Variants in ZNF525 observed in about 807,000 individuals in gnomAD.
The protein encoded by ZNF525 is zinc finger protein 525.
A neutral mutation model predicts 37.6 loss-of-function variants in ZNF525; 33 were observed. The ratio of observed to expected loss-of-function variants is 0.88; its 90% CI spans 0.67 to 1.17. ZNF525 has a LOEUF of 1.17. Among genes scored for constraint, ZNF525 ranks in the 50% most tolerant of loss-of-function variants. ZNF525 has a pLI of 0.00. For synonymous variants in ZNF525, 170 were observed against 182.3 expected (o/e 0.93, Z 0.54); for missense variants, 449 against 543.1 (o/e 0.83, Z 1.72).
At chr19:53,370,493 T>A (rs117969384) in intron 1 of ZNF525, among the ~76,000 whole-genome samples, 5 of 151,126 alleles carry the variant, frequency 3.3e-5, no homozygotes, top group African/African-American at 1.2e-4. Context: ...AAAATTTCCC[T>A]GCTCTGAGCC....
chr19:53,370,703 G>A (rs952708590), intron 1 of ZNF525, among the ~76,000 whole-genome samples: 1 of 152,104 alleles, frequency 6.6e-6, no homozygotes, highest in African/African-American at 2.4e-5. Context: ...ATAATAAAAT[G>A]CAGAAGAATG....
At chr19:53,373,088 T>G (rs1053996172) in intron 2 of ZNF525, among the ~76,000 whole-genome samples, 1 of 152,052 alleles carries the variant, frequency 6.6e-6, no homozygotes, top group Non-Finnish European at 1.5e-5. Flanking sequence ...TATGATATTC[T>G]GATAATATTA....
At chr19:53,380,060 A>G (rs1217069204) in intron 3 of ZNF525, among the ~76,000 whole-genome samples, 1 of 152,000 alleles carries the variant, frequency 6.6e-6, no homozygotes, top group East Asian at 1.9e-4. Context: ...TTCTGCATGG[A>G]TATAGGTAAT....
Position 53,386,441 on chromosome 19 carries a change from A to G in ZNF525, c.*4422A>G, listed in dbSNP as rs2085608067. 2.8e-6 allele frequency: 2 copies of G among 720,032 alleles called. No individual in the cohort carries two copies. Among genetic ancestry groups the G allele is most frequent in the African/African-American group, 4.2e-5 (2 of 48,146 alleles). 44.6% of individuals were successfully genotyped at this position (720,032 alleles called of 1,614,324 possible). A position where few individuals can be genotyped will look rare whatever the true frequency, so the allele number is the denominator to read the frequency against. ...TTTATGCTGTCTGAGCATCACAATC[A>G]CGTTACCATATCAAGCTGAAAATGT... is the stretch of plus-strand genomic sequence containing the variant. On this transcript the variant is annotated 3_prime_UTR_variant, in exon 4 of 4. Transcript: ENST00000474037.
rs1480689754 is a variant in ZNF525 at position 53,381,723 on chromosome 19, C to A, written c.1144C>A (p.Pro382Thr). Residue 382 changes from proline to threonine, a missense_variant, in exon 4 of 4, where the codon CCA becomes ACA. Pro to Thr is a conservative substitution (Grantham distance 38). Coordinates refer to ENST00000474037, the MANE Select transcript of ZNF525 (RefSeq NM_001348156.2). Reference sequence around the variant, plus strand: ...TAGGATAACTCATACTGGAGAGAAACCATACAAGTGTAATGATTGTGGCAA... The same window carrying A: ...TAGGATAACTCATACTGGAGAGAAAACATACAAGTGTAATGATTGTGGCAA... ...SHRITHTGEK[P>T]YKCNDCGKTF... 4 of 1,083,912 alleles carry A rather than the reference C, an allele frequency of 3.7e-6. No homozygotes were observed. The highest frequency in any genetic ancestry group is 5.8e-6 in the Non-Finnish European group (4 of 695,404). The allele number at this position is 1,083,912 out of a possible 1,614,324, so 67.1% of individuals were successfully genotyped here.
At chr19:53,372,544 G>C in intron 2 of ZNF525, 1 of 1,049,874 alleles carries the variant, frequency 9.5e-7, no homozygotes, top group Non-Finnish European at 1.4e-6. Context: ...ATGGAGACGG[G>C]GTGAGGGTCC....
At chr19:53,370,002 G>A (rs2085475556) in intron 1 of ZNF525, among the ~76,000 whole-genome samples, 1 of 150,900 alleles carries the variant, frequency 6.6e-6, no homozygotes, top group African/African-American at 2.4e-5. Flanking sequence ...GGGATTACAG[G>A]CGTGAGCCAC....
chr19:53,368,955 G>A (rs1451241473), intron 1 of ZNF525, among the ~76,000 whole-genome samples: 1 of 152,102 alleles, frequency 6.6e-6, no homozygotes. Flanking sequence ...TTTTTCTGGG[G>A]TCTCAGAAGG....
At chr19:53,368,112 T>A (rs2085460938) in intron 1 of ZNF525, among the ~76,000 whole-genome samples, 1 of 152,202 alleles carries the variant, frequency 6.6e-6, no homozygotes, top group African/African-American at 2.4e-5. Flanking sequence ...CAATGGGAGT[T>A]AGAAGAAAGA....
chr19:53,368,541 C>G (rs2085463835), intron 1 of ZNF525, among the ~76,000 whole-genome samples: 1 of 152,056 alleles, frequency 6.6e-6, no homozygotes, highest in African/African-American at 2.4e-5. Flanking sequence ...TTCTTAAGGC[C>G]AGTGGTCTCC....
intron 2 of ZNF525, among the ~76,000 whole-genome samples, chr19:53,372,619 T>G (rs2085495483): frequency 6.6e-6 from 1 of 152,158 alleles, no homozygotes; most frequent in Admixed American, 6.5e-5. Flanking sequence ...CACTGTCAGC[T>G]CTCTGTGGAC....
chr19:53,381,168 C>T lies in ZNF525; in HGVS notation c.589C>T (p.Leu197=), dbSNP rs938644252. 2 of 1,361,534 alleles carry T rather than the reference C, an allele frequency of 1.5e-6. No homozygotes were observed. The highest frequency in any genetic ancestry group is 2.3e-5 in the East Asian group (1 of 43,654). The allele number at this position is 1,361,534 out of a possible 1,614,324, so 84.3% of individuals were successfully genotyped here. The change falls in exon 4 of 4, where the codon CTG becomes TTG. Residue 197 remains leucine (L), a synonymous_variant. Coordinates refer to ENST00000474037, the MANE Select transcript of ZNF525 (RefSeq NM_001348156.2). ...HISNNYGDNF[L]NYSLLTQRQE... ...ATCTAATAACTATGGGGATAATTTT[C>T]TGAATTATTCATTACTCACACAAAG...
intron 2 of ZNF525, among the ~76,000 whole-genome samples, chr19:53,375,064 T>G: frequency 6.7e-6 from 1 of 149,492 alleles, no homozygotes. Flanking sequence ...TGAGATGGAG[T>G]CTCTGTTGCC....
chr19:53,366,553 A>G (rs1370974511), intron 1 of ZNF525, among the ~76,000 whole-genome samples: 1 of 151,698 alleles, frequency 6.6e-6, no homozygotes, highest in Non-Finnish European at 1.5e-5. Context: ...AAAAAAAAAA[A>G]AAAAGATAAG....
In ZNF525 at chr19:53,366,798, A is replaced by G. The variant is rs79829149; in HGVS notation, c.-68+1039A>G. 4.7e-3 allele frequency among the ~76,000 whole-genome samples: 652 copies of G among 139,552 alleles called. 28 individuals are homozygous for G. The East Asian group carries it at 0.11, about 24-fold the overall frequency. The allele number at this position is 139,552 out of a possible 152,430, so 91.6% of individuals were successfully genotyped here. ...ATCTGGGGTGCCAGAGAGTGGGGACAGGGGGTATAACAGAGAAGAGAGAAT... is the reference window on the plus strand; with the variant it reads ...ATCTGGGGTGCCAGAGAGTGGGGACGGGGGGTATAACAGAGAAGAGAGAAT... On this transcript the variant is annotated intron_variant, in intron 1 of 3. Transcript: ENST00000474037.
In ZNF525 at chr19:53,383,189, T is replaced by G; in HGVS notation, c.*1170T>G. On this transcript the variant is annotated 3_prime_UTR_variant, in exon 4 of 4. Transcript: ENST00000474037. ...GTGTGGCAAGACCTACTCTCACAAT[T>G]CAGTCCTTGTAATTCATAAGACAAT... 7.2e-7 allele frequency: 1 copy of G among 1,382,638 alleles called. No homozygotes were observed. The highest frequency in any genetic ancestry group is 2.8e-5 in the East Asian group (1 of 36,076). The allele number at this position is 1,382,638 out of a possible 1,614,324, so 85.6% of individuals were successfully genotyped here. A position where few individuals can be genotyped will look rare whatever the true frequency, so the allele number is the denominator to read the frequency against.
At chr19:53,377,642 C>T (rs1303341300) in intron 3 of ZNF525, among the ~76,000 whole-genome samples, 2 of 148,348 alleles carry the variant, frequency 1.3e-5, no homozygotes, top group African/African-American at 2.5e-5. Context: ...GCAACCTCTG[C>T]CTCCCAGGTT....
At chr19:53,375,118 A>G (rs2085512368) in intron 2 of ZNF525, among the ~76,000 whole-genome samples, 1 of 151,536 alleles carries the variant, frequency 6.6e-6, no homozygotes, top group Admixed American at 6.6e-5. Context: ...ACTTCTGCCT[A>G]CTGGGATCAA....
intron 1 of ZNF525, among the ~76,000 whole-genome samples, chr19:53,366,825 T>C (rs2085450810): frequency 7.2e-6 from 1 of 139,180 alleles, no homozygotes; most frequent in South Asian, 2.3e-4. Flanking sequence ...AGAGAGAATT[T>C]AACGGGGAGA....
Sources: gnomAD v4.1 joint callset for allele counts (sites outside exome capture counted in the v4.1 genomes callset) on GRCh38, gnomAD v4.1.1 for gene constraint, MANE v1.5 for transcripts, NCBI Gene and HGNC (gene_info 2026-07-23, HGNC 2026-07-21) for gene names.